Variants in ERMARD observed in about 807,000 individuals in gnomAD.
ERMARD encodes the protein endoplasmic reticulum membrane-associated RNA degradation protein.
Under a neutral mutation model 83.9 loss-of-function variants are expected in ERMARD, and 71 were observed. The ratio of observed to expected loss-of-function variants is 0.85; its 90% confidence interval spans 0.70 to 1.03. The LOEUF (loss-of-function observed/expected upper bound fraction) is 1.03. Among genes scored for constraint, ERMARD ranks in the 50% least tolerant of loss-of-function variants. ERMARD has a pLI of 0.00. For synonymous variants in ERMARD, 284 were observed against 298.6 expected (o/e 0.95, Z 0.50); for missense variants, 838 against 810.9 (o/e 1.03, Z -0.41).
chr6:169,756,286 T>C (rs1790803313), intron 3 of ERMARD, 52 bp from the exon 4 acceptor site: 1 of 1,132,466 alleles, frequency 8.8e-7, no homozygotes, highest in Non-Finnish European at 1.3e-6. Flanking sequence ...TATTGTTGCT[T>C]TGAGAAGTAG....
At chr6:169,775,157 G>T in intron 13 of ERMARD, 113 bp from the exon 14 acceptor site, 1 of 1,140,482 alleles carries the variant, frequency 8.8e-7, no homozygotes, top group South Asian at 1.5e-5. Context: ...AAAATGTTTA[G>T]AATTTGTAAT....
In ERMARD at chr6:169,760,737, G is replaced by T; in HGVS notation, c.838G>T (p.Val280Phe). 1 of 1,613,550 alleles carries T rather than the reference G, an allele frequency of 6.2e-7. No homozygotes were observed. The highest frequency in any genetic ancestry group is 8.5e-7 in the Non-Finnish European group (1 of 1,179,558). The change falls in exon 8 of 18, where the codon GTC becomes TTC. Residue 280 changes from valine (V) to phenylalanine (F), a missense_variant. Transcript: ENST00000366773. ...IMLPYWEVAL[V>F]KFKSHRFADC... is the part of the protein sequence containing the mutation. ...GTTACCATATTGGGAAGTTGCACTG[G>T]TCAAGTTCAAGTCACACAGGTAACT...
chr6:169,773,310 C>T lies in ERMARD; in HGVS notation c.1234-9C>T. Reference sequence around the variant, plus strand: ...AACATGATAGTAACCACTGTTTTCTCTGCACTAGGAAAAATCAGCCGTAGA... The same window carrying T: ...AACATGATAGTAACCACTGTTTTCTTTGCACTAGGAAAAATCAGCCGTAGA... On this transcript the variant is annotated splice_polypyrimidine_tract_variant and intron_variant, in intron 12 of 17. Coordinates refer to ENST00000366773, the MANE Select transcript of ERMARD (RefSeq NM_018341.3). 1.2e-6 allele frequency: 2 copies of T among 1,613,570 alleles called. No individual in the cohort carries two copies. Among genetic ancestry groups the T allele is most frequent in the African/African-American group, 1.3e-5 (1 of 75,048 alleles).
chr6:169,772,076 GCCA>G (rs1792991332), intron 12 of ERMARD: 1 of 152,388 alleles, frequency 6.6e-6, no homozygotes, highest in Non-Finnish European at 1.5e-5. Context: ...TCCCTCCTGT[GCCA>G]CCACCTGGCC....
chr6:169,776,184 T>C (rs1655444944), intron 15 of ERMARD, 119 bp downstream of exon 15: 2 of 1,535,118 alleles, frequency 1.3e-6, no homozygotes, highest in South Asian at 2.4e-5. Flanking sequence ...AGAATCCCAC[T>C]GTTACTGCTC....
At chr6:169,758,001 G>A (rs1307100686) in intron 5 of ERMARD, among the ~76,000 whole-genome samples, 2 of 152,244 alleles carry the variant, frequency 1.3e-5, no homozygotes, top group Non-Finnish European at 2.9e-5. Flanking sequence ...ACCAGATAGT[G>A]TGAACCATGA....
chr6:169,752,376 G>A (rs1790236750), intron 1 of ERMARD, among the ~76,000 whole-genome samples: 1 of 152,208 alleles, frequency 6.6e-6, no homozygotes, highest in Non-Finnish European at 1.5e-5. Flanking sequence ...AAGGCAAGAG[G>A]TAGTCAGAGG....
intron 5 of ERMARD, 101 bp from the exon 6 acceptor site, chr6:169,758,866 GT>G: frequency 9.4e-7 from 1 of 1,061,550 alleles, no homozygotes; most frequent in South Asian, 1.5e-5. Flanking sequence ...AGCCAAAACT[GT>G]TGACTCTCAG....
intron 3 of ERMARD, among the ~76,000 whole-genome samples, chr6:169,756,131 TAAAG>T (rs1334721689): frequency 2.0e-5 from 3 of 152,204 alleles, no homozygotes. Flanking sequence ...AACGTTTAAA[TAAAG>T]AACCTTCAAG....
rs1456872678 is a variant in ERMARD at position 169,773,176 on chromosome 6, A to G, written c.1234-143A>G. ...TGCCTGCCATGTCAAGCCTATTTTA[A>G]TGAAGCACTTGCTTTTCTAGCTGCA... On this transcript the variant is annotated intron_variant, in intron 12 of 17. Transcript: ENST00000366773. 3.0e-5 allele frequency: 19 copies of G among 626,410 alleles called. No homozygotes were observed. The Admixed American group carries it at 6.1e-4, about 20-fold the overall frequency. The allele number at this position is 626,410 out of a possible 1,614,324, so 38.8% of individuals were successfully genotyped here. A position where few individuals can be genotyped will look rare whatever the true frequency, so the allele number is the denominator to read the frequency against.
intron 9 of ERMARD, among the ~76,000 whole-genome samples, chr6:169,764,271 G>GT (rs552299964): frequency 0.015 from 2,098 of 142,754 alleles, 32 homozygotes; most frequent in African/African-American, 0.036. Flanking sequence ...TTTTTTTTTG[G>GT]TTTTTTTTTT....
rs1279808828 is a variant in ERMARD, at chr6:169,779,225, A to G, written c.1783A>G (p.Ile595Val). ...TGTGCTCAGCCTGATACTGTTACTC[A>G]TTGCGCTGGAGTTGGTCAACATTCA... The part of the protein sequence containing the change: ...SPVLSLILLL[I>V]ALELVNIHAV... The change falls in exon 17 of 18, where the codon ATT becomes GTT. Residue 595 changes from isoleucine (I) to valine (V), a missense_variant. By Grantham distance (29) the Ile-to-Val change is conservative. Transcript: ENST00000366773. 3.1e-6 allele frequency: 5 copies of G among 1,614,100 alleles called. No individual in the cohort carries two copies. The South Asian group carries it at 5.5e-5, about 18-fold the overall frequency.
chr6:169,770,420 A>G (rs1182283115), intron 12 of ERMARD: 1 of 152,036 alleles, frequency 6.6e-6, no homozygotes, highest in Non-Finnish European at 1.5e-5. Flanking sequence ...CAGCTGTTTG[A>G]TATTCCATTT....
intron 9 of ERMARD, among the ~76,000 whole-genome samples, chr6:169,766,067 G>T (rs112772329): frequency 0.017 from 2,628 of 151,942 alleles, 80 homozygotes; most frequent in African/African-American, 0.06. Flanking sequence ...GTCCCCAAAA[G>T]CCTTTTGAGA....
At chr6:169,751,476 G>A (rs1054807674), upstream of ERMARD, 1 of 1,612,732 alleles carries the variant, frequency 6.2e-7, no homozygotes, top group Admixed American at 1.7e-5. Context: ...TGTTCTCCAA[G>A]ACGCCCACCG....
At chr6:169,776,270 T>C in intron 15 of ERMARD, 185 bp from the exon 16 acceptor site, 2 of 1,548,936 alleles carry the variant, frequency 1.3e-6, no homozygotes, top group Non-Finnish European at 1.7e-6. Flanking sequence ...GAATGCCACA[T>C]TCTGTTTGCC....
chr6:169,751,493 C>A, upstream of ERMARD: 1 of 1,611,746 alleles, frequency 6.2e-7, no homozygotes, highest in Non-Finnish European at 8.5e-7. Flanking sequence ...ACCGCCTCCC[C>A]TTCACCGCCG....
chr6:169,772,447 GTTGT>G (rs1410424351), intron 12 of ERMARD, among the ~76,000 whole-genome samples: 5 of 152,144 alleles, frequency 3.3e-5, no homozygotes, highest in South Asian at 2.1e-4. Flanking sequence ...AGCTACTTGA[GTTGT>G]TTGTTTTGTG....
chr6:169,767,078 T>G (rs1333439010), intron 10 of ERMARD: 1 of 159,560 alleles, frequency 6.3e-6, no homozygotes, highest in Middle Eastern at 2.8e-3. Context: ...TGAAAATGCC[T>G]CTTGTCAGCC....
Sources: allele counts gnomAD v4.1 joint callset (sites outside exome capture counted in the v4.1 genomes callset), GRCh38; gene constraint gnomAD v4.1.1; transcripts MANE v1.5; gene names NCBI Gene and HGNC (gene_info 2026-07-23, HGNC 2026-07-21).